PARVB: variants seen among roughly 807,000 people sequenced by gnomAD.
PARVB encodes beta-parvin.
In PARVB, 46 loss-of-function variants were observed where a neutral mutation model predicts 47.0. The observed-to-expected ratio is 0.98, with a 90% CI of 0.77 to 1.25. The LOEUF (loss-of-function observed/expected upper bound fraction) is 1.25, where lower values mean the gene tolerates loss of function less well. Among genes scored for constraint, PARVB ranks in the 50% most tolerant of loss-of-function variants. The pLI, the probability that PARVB is intolerant of heterozygous loss-of-function variation, is 0.00. For missense variants in PARVB, 473 were observed against 471.6 expected (o/e 1.00, Z -0.03); for synonymous variants, 196 against 196.3 (o/e 1.00, Z 0.01).
chr22:44,073,034 C>T (rs1418019021), intron 1 of PARVB, among the ~76,000 whole-genome samples: 1 of 152,188 alleles, frequency 6.6e-6, no homozygotes, highest in East Asian at 1.9e-4. Flanking sequence ...TCTAAGTCCC[C>T]CTGTGGCCCA....
At chr22:44,079,405 A>G (rs915691903) in intron 1 of PARVB, among the ~76,000 whole-genome samples, 2 of 152,236 alleles carry the variant, frequency 1.3e-5, no homozygotes, top group Non-Finnish European at 2.9e-5. Context: ...GGGGACAAAG[A>G]GGAGACACAG....
At chr22:44,133,456 A>T (rs2053374669) in intron 6 of PARVB, among the ~76,000 whole-genome samples, 1 of 152,148 alleles carries the variant, frequency 6.6e-6, no homozygotes, top group Non-Finnish European at 1.5e-5. Flanking sequence ...TCACTTGGAG[A>T]AATGGAACCA....
At chr22:44,105,167 G>T (rs2052540114) in intron 3 of PARVB, 1 of 152,204 alleles carries the variant, frequency 6.6e-6, no homozygotes. Context: ...TGTCCACATG[G>T]CTCATCTGTC....
intron 9 of PARVB, chr22:44,148,382 A>T (rs1314684323): frequency 5.0e-6 from 1 of 199,420 alleles, no homozygotes; most frequent in African/African-American, 2.3e-5. Flanking sequence ...CTGCTGGTCA[A>T]TCTGTGGATG....
At chr22:44,140,810 T>G in intron 8 of PARVB, 1 of 289,066 alleles carries the variant, frequency 3.5e-6, no homozygotes, top group Non-Finnish European at 7.1e-6. Context: ...CAGTGGCTCT[T>G]CCCAAAGAGA....
intron 7 of PARVB, among the ~76,000 whole-genome samples, chr22:44,137,992 A>G (rs182727530): frequency 6.6e-6 from 1 of 152,108 alleles, no homozygotes; most frequent in Non-Finnish European, 1.5e-5. Context: ...GGGGTCCCAT[A>G]TGAGGACAGC....
At chr22:44,130,702 G>C (rs149591727) in intron 4 of PARVB, among the ~76,000 whole-genome samples, 24 of 152,154 alleles carry the variant, frequency 1.6e-4, no homozygotes, top group African/African-American at 5.8e-4. Context: ...TCCCTTTTGG[G>C]ACCCACAGGG....
chr22:44,155,452 C>A lies in PARVB; in HGVS notation c.844-2530C>A, dbSNP rs545604190. Among the ~76,000 whole-genome samples, 1 of 152,096 alleles carries A rather than the reference C, an allele frequency of 6.6e-6. No homozygotes were observed. The highest frequency in any genetic ancestry group is 1.9e-4 in the East Asian group (1 of 5,180). ...CCCAGCCCTGCCCTCTCCTTGTGGCCGTCCCTCCCTCCTTCCTGTGAGCCC... is the reference window on the plus strand; with the variant it reads ...CCCAGCCCTGCCCTCTCCTTGTGGCAGTCCCTCCCTCCTTCCTGTGAGCCC... On this transcript the variant is annotated intron_variant, in intron 10 of 12. Coordinates refer to ENST00000338758, the MANE Select transcript of PARVB (RefSeq NM_013327.5). This position sits in a 1 kb window ranked among gnomAD's most constrained non-coding sequence, Gnocchi z 4.8.
chr22:44,029,923 A>AG (rs1355684785), intron 1 of PARVB, among the ~76,000 whole-genome samples: 4 of 45,176 alleles, frequency 8.9e-5, no homozygotes, highest in South Asian at 1.3e-3. Context: ...AAAAAAAAAG[A>AG]AAAGAAAAGA....
intron 8 of PARVB, chr22:44,144,436 C>T (rs1413194493): frequency 6.6e-6 from 1 of 152,208 alleles, no homozygotes; most frequent in Non-Finnish European, 1.5e-5. Flanking sequence ...CTCACTGTTG[C>T]CACAGCCTCC....
chr22:44,023,858 A>C (rs2050685030), upstream of PARVB, among the ~76,000 whole-genome samples: 1 of 151,974 alleles, frequency 6.6e-6, no homozygotes, highest in Non-Finnish European at 1.5e-5. Context: ...TCCATCCTCT[A>C]AGCTTCCCGT....
chr22:44,082,810 A>G (rs2051936572), intron 1 of PARVB, among the ~76,000 whole-genome samples: 1 of 152,186 alleles, frequency 6.6e-6, no homozygotes, highest in African/African-American at 2.4e-5. Context: ...GGAAGAAAAG[A>G]CCGTGTTTCT....
chr22:44,034,987 A>G (rs1396066073), intron 1 of PARVB, among the ~76,000 whole-genome samples: 2 of 152,134 alleles, frequency 1.3e-5, no homozygotes, highest in Admixed American at 1.3e-4. Flanking sequence ...CTGGTATTAC[A>G]GGCATGAACA....
chr22:44,140,105 T>A lies in PARVB; in HGVS notation c.693-19T>A. On this transcript the variant is annotated intron_variant, in intron 7 of 12. Transcript: ENST00000338758. The stretch of plus-strand genomic sequence containing the variant: ...CTGAGTGACCCATCTCATGGCTCTC[T>A]CTGTGTTCTTGTTTGCAGGATGATG... 6.2e-7 allele frequency: 1 copy of A among 1,613,820 alleles called. No homozygotes were observed.
chr22:44,043,613 G>C (rs557581009), intron 1 of PARVB, among the ~76,000 whole-genome samples: 30 of 152,122 alleles, frequency 2.0e-4, no homozygotes, highest in African/African-American at 7.2e-4. Flanking sequence ...TCCTGACCCC[G>C]TGATCCGTCT....
At chr22:44,058,717 G>C (rs2051361952) in intron 1 of PARVB, among the ~76,000 whole-genome samples, 1 of 151,838 alleles carries the variant, frequency 6.6e-6, no homozygotes, top group Non-Finnish European at 1.5e-5. Context: ...ACCACACCTG[G>C]CTAATTTTTG....
chr22:44,104,822 A>T (rs2147079731), intron 3 of PARVB: 1 of 152,310 alleles, frequency 6.6e-6, no homozygotes, highest in Non-Finnish European at 1.5e-5. Context: ...CTCACTTCTG[A>T]CACCAATGGC....
chr22:44,015,000 G>C (rs559292322), intron 2 of PARVB, among the ~76,000 whole-genome samples: 2 of 151,888 alleles, frequency 1.3e-5, no homozygotes, highest in Non-Finnish European at 2.9e-5. Context: ...GTAGGTGCCC[G>C]CCACCATGCC....
chr22:44,064,690 A>T (rs2051484887), intron 1 of PARVB, among the ~76,000 whole-genome samples: 1 of 151,456 alleles, frequency 6.6e-6, no homozygotes, highest in African/African-American at 2.4e-5. Flanking sequence ...CAAAAACAAA[A>T]ACAAAAACAA....
Sources: allele counts gnomAD v4.1 joint callset (sites outside exome capture counted in the v4.1 genomes callset), GRCh38; gene constraint gnomAD v4.1.1; non-coding constraint Gnocchi (gnomAD v3.1); transcripts MANE v1.5; gene names NCBI Gene and HGNC (gene_info 2026-07-23, HGNC 2026-07-21).